The following KIF19 variants were observed in gnomAD, a reference collection of about 807,000 sequenced individuals.
KIF19 encodes the protein kinesin-like protein KIF19.
KIF19 carries 98 observed loss-of-function variants against 106.6 expected under a neutral mutation model. That is an observed-to-expected ratio of 0.92 (90% confidence interval 0.78 to 1.09). The LOEUF is 1.09. KIF19 is among the 50% of genes least tolerant of loss of function. The pLI, the probability that KIF19 is intolerant of heterozygous loss-of-function variation, is 0.00. For synonymous variants in KIF19, 516 were observed against 584.2 expected, an observed-to-expected ratio of 0.88 and a Z score of 1.68; for missense variants, 1,373 against 1,414.3, an observed-to-expected ratio of 0.97 and a Z score of 0.47.
intron 2 of KIF19, among the ~76,000 whole-genome samples, chr17:74,339,401 T>C (rs1449740524): frequency 6.6e-6 from 1 of 151,852 alleles, no homozygotes; most frequent in African/African-American, 2.4e-5. Context: ...AATGATCCAT[T>C]GTGATTATGT....
intron 2 of KIF19, among the ~76,000 whole-genome samples, chr17:74,332,210 T>TGTGTGTGTGTGTTTGTG (rs1567897631): frequency 9.2e-6 from 1 of 108,764 alleles, no homozygotes. Context: ...GTGTGTGTGT[T>TGTGTGTGTGTGTTTGTG]TGTGTGTGTG....
chr17:74,353,702 A>C, intron 17 of KIF19, 121 bp downstream of exon 17: 1 of 796,028 alleles, frequency 1.3e-6, no homozygotes, highest in Non-Finnish European at 2.1e-6. Flanking sequence ...ATTGGGTGCT[A>C]CACATTCTGT....
At chr17:74,326,531 C>A in intron 1 of KIF19, 143 bp downstream of exon 1, 1 of 678,610 alleles carries the variant, frequency 1.5e-6, no homozygotes, top group Non-Finnish European at 2.4e-6. Context: ...GAGCAACTTT[C>A]CCCAAGTCCT....
chr17:74,330,399 T>C (rs2054044803), intron 2 of KIF19, among the ~76,000 whole-genome samples: 1 of 152,194 alleles, frequency 6.6e-6, no homozygotes, highest in African/African-American at 2.4e-5. Context: ...TTCATAGATG[T>C]CAGTTATCAA....
chr17:74,338,739 G>T (rs1475324421), intron 2 of KIF19, among the ~76,000 whole-genome samples: 1 of 151,872 alleles, frequency 6.6e-6, no homozygotes, highest in African/African-American at 2.4e-5. Flanking sequence ...GGAGCCCCAG[G>T]GCTGTCATCC....
In KIF19 at chr17:74,347,813, G is replaced by A. The variant is rs761159685; in HGVS notation, c.961G>A (p.Ala321Thr). ...AGGAAACAGCCGCACAGTGATGATCGCTCACATCAGTCCTGCGAGCAGTGC... is the reference window on the plus strand; with the variant it reads ...AGGAAACAGCCGCACAGTGATGATCACTCACATCAGTCCTGCGAGCAGTGC... ...LGGNSRTVMIAHISPASSAFE... is the reference protein window; with the variant it reads ...LGGNSRTVMITHISPASSAFE... Residue 321 changes from alanine (A) to threonine (T), a missense_variant, in exon 9 of 20, where the codon GCT (alanine) becomes ACT (threonine). Physicochemically the swap from Ala to Thr is moderately conservative, Grantham distance 58. Coordinates refer to ENST00000389916, the MANE Select transcript of KIF19 (RefSeq NM_153209.4). The A allele has an allele frequency of 4.4e-5, 70 of 1,587,894 alleles. No homozygotes were observed. In the Admixed American group the frequency reaches 7.8e-4, roughly 18 times the overall value.
chr17:74,347,745 G>T, intron 8 of KIF19, 32 bp from the exon 9 acceptor site: 1 of 1,579,302 alleles, frequency 6.3e-7, no homozygotes, highest in Non-Finnish European at 8.6e-7. Flanking sequence ...TGAGGAGGCA[G>T]TCCCCACTGA....
chr17:74,327,557 C>T (rs955124767), intron 1 of KIF19, among the ~76,000 whole-genome samples: 20 of 152,234 alleles, frequency 1.3e-4, no homozygotes, highest in African/African-American at 4.8e-4. Flanking sequence ...TCTCAGCTCA[C>T]TGCCCCTCAA....
chr17:74,347,585 T>A (rs2144272135), intron 8 of KIF19, among the ~76,000 whole-genome samples, 192 bp from the exon 9 acceptor site: 1 of 151,322 alleles, frequency 6.6e-6, no homozygotes, highest in South Asian at 2.1e-4. Context: ...TTATTAAGGT[T>A]ACACAGCTGG....
intron 12 of KIF19, 159 bp downstream of exon 12, chr17:74,351,064 G>A (rs1289628194): frequency 1.4e-6 from 1 of 694,748 alleles, no homozygotes; most frequent in East Asian, 2.7e-5. Context: ...ACTTCTCTAT[G>A]CGTCACATTC....
At chr17:74,337,189 G>A (rs906723443) in intron 2 of KIF19, among the ~76,000 whole-genome samples, 6 of 152,186 alleles carry the variant, frequency 3.9e-5, no homozygotes, top group Non-Finnish European at 7.3e-5. Flanking sequence ...TTGGCACCAT[G>A]CCTGGCACAA....
Position 74,346,334 on chromosome 17 carries a change from C to T in KIF19, c.778-44C>T, listed in dbSNP as rs753208025. ...GGGTGGCTGGGGAGAAACCCAGTCC[C>T]CTGCCTCATCAGGCCACACGTGTGC... is the stretch of plus-strand genomic sequence containing the variant. On this transcript the variant is annotated intron_variant, in intron 7 of 19. Coordinates refer to ENST00000389916, the MANE Select transcript of KIF19 (RefSeq NM_153209.4). The surrounding 1 kb of genome is among the most constrained non-coding windows in gnomAD (Gnocchi z 4.6). 1.9e-6 allele frequency: 3 copies of T among 1,542,254 alleles called. No homozygotes were observed. Among genetic ancestry groups the T allele is most frequent in the East Asian group, 2.4e-5 (1 of 40,872 alleles).
rs1651895107 is a variant in KIF19, at chr17:74,355,251, G to A, written c.2936G>A (p.Gly979Glu). Residue 979 changes from glycine to glutamate, a missense_variant, in exon 20 of 20, where the codon GGG becomes GAG. By Grantham distance (98) the Gly-to-Glu change is moderately conservative. Coordinates refer to ENST00000389916, the MANE Select transcript of KIF19 (RefSeq NM_153209.4). Reference sequence around the variant, plus strand: ...GGTGGTTCTCGACGGGCTACCCGTGGGCCCCGCCTGCCCCACGGCACAAGC... The same window carrying A: ...GGTGGTTCTCGACGGGCTACCCGTGAGCCCCGCCTGCCCCACGGCACAAGC... ...PGGGSRRATR[G>E]PRLPHGTSTH... 1 of 1,612,794 alleles carries A rather than the reference G, an allele frequency of 6.2e-7. No homozygotes were observed. Among genetic ancestry groups the A allele is most frequent in the Non-Finnish European group, 8.5e-7 (1 of 1,179,672 alleles).
chr17:74,329,440 T>G (rs1368943189), intron 2 of KIF19: 4 of 145,118 alleles, frequency 2.8e-5, no homozygotes, highest in African/African-American at 2.6e-5. Context: ...AGAGTGGGAC[T>G]CTGTCTCAAA....
rs544015060 is a variant in KIF19 at position 74,336,276 on chromosome 17, C to G, written c.121-5600C>G. Among the ~76,000 whole-genome samples, 48 of 152,296 alleles carry G rather than the reference C, an allele frequency of 3.2e-4. 2 individuals carry two copies. In the South Asian group the frequency reaches 9.7e-3, roughly 31 times the overall value. ...TAGAGATGGGATTTCACCATGTTGGCTAGGCTGTTCTTGAACTCCTGACCT... is the reference window on the plus strand; with the variant it reads ...TAGAGATGGGATTTCACCATGTTGGGTAGGCTGTTCTTGAACTCCTGACCT... On this transcript the variant is annotated intron_variant, in intron 2 of 19. Coordinates refer to ENST00000389916, the MANE Select transcript of KIF19 (RefSeq NM_153209.4).
intron 6 of KIF19, 74 bp from the exon 7 acceptor site, chr17:74,344,687 C>A (rs2054481135): frequency 1.4e-6 from 2 of 1,466,640 alleles, no homozygotes; most frequent in Non-Finnish European, 1.9e-6. Flanking sequence ...TCCCTGCTAG[C>A]CCCCTCAGGG....
chr17:74,350,810 G>A lies in KIF19; in HGVS notation c.1492G>A (p.Asp498Asn), dbSNP rs1447452243. 1.2e-6 allele frequency: 2 copies of A among 1,614,010 alleles called. No individual in the cohort carries two copies. Among genetic ancestry groups the A allele is most frequent in the South Asian group, 1.1e-5 (1 of 91,054 alleles). Residue 498 changes from aspartate (D) to asparagine (N), a missense_variant, in exon 12 of 20, where the codon GAC (aspartate) becomes AAC (asparagine). Asp to Asn is a conservative substitution (Grantham distance 23). Coordinates refer to ENST00000389916, the MANE Select transcript of KIF19 (RefSeq NM_153209.4). The stretch of plus-strand genomic sequence containing the variant: ...CGAGAAGGACTCAGACACAGGTGAT[G>A]ACCAACCAGACATCCTGGAGCCACC... ...DSEKDSDTGD[D>N]QPDILEPPEV...
chr17:74,353,079 G>C, intron 15 of KIF19, 117 bp from the exon 16 acceptor site: 2 of 1,419,262 alleles, frequency 1.4e-6, no homozygotes, highest in Non-Finnish European at 2.0e-6. Context: ...CAGGTCTGGA[G>C]CCAGGACTCC....
In KIF19 at chr17:74,328,446, A is replaced by G. The variant is rs77996437; in HGVS notation, c.61A>G (p.Ile21Val). 2.5e-6 allele frequency: 4 copies of G among 1,610,776 alleles called. No individual in the cohort carries two copies. Among genetic ancestry groups the G allele is most frequent in the Non-Finnish European group, 8.5e-7 (1 of 1,178,992 alleles). Residue 21 changes from isoleucine (I) to valine (V), a missense_variant, in exon 2 of 20, where the codon ATC becomes GTC. Coordinates refer to ENST00000389916, the MANE Select transcript of KIF19 (RefSeq NM_153209.4). ...CCAGGTGGCGCTTCGGGTCCGGCCC[A>G]TCAGCGTGGCAGAGCTGGAGGAAGG... ...QLMVALRVRPISVAELEEGAT... is the reference protein window; with the variant it reads ...QLMVALRVRPVSVAELEEGAT...
Sources: gnomAD v4.1 joint callset for allele counts (sites outside exome capture counted in the v4.1 genomes callset) on GRCh38, gnomAD v4.1.1 for gene constraint, Gnocchi (gnomAD v3.1) non-coding constraint, MANE v1.5 for transcripts, NCBI Gene and HGNC (gene_info 2026-07-23, HGNC 2026-07-21) for gene names.